ZBTB16: variants seen among roughly 807,000 people sequenced by gnomAD.
The protein encoded by ZBTB16 is zinc finger and BTB domain containing 16.
A neutral mutation model predicts 56.8 loss-of-function variants in ZBTB16; 8 were observed. That is an observed-to-expected ratio of 0.14 (90% confidence interval 0.08 to 0.25). The LOEUF (loss-of-function observed/expected upper bound fraction) is 0.25. Ranked by LOEUF, ZBTB16 falls within the 10% of genes least tolerant of loss-of-function variation. ZBTB16 has a pLI of 1.00. For synonymous variants in ZBTB16, 363 were observed against 368.5 expected (o/e 0.98, Z 0.17); for missense variants, 625 against 903.0 (o/e 0.69, Z 3.95).
chr11:114,150,443 C>T (rs1942253905), intron 2 of ZBTB16, among the ~76,000 whole-genome samples: 1 of 152,050 alleles, frequency 6.6e-6, no homozygotes, highest in Non-Finnish European at 1.5e-5. Context: ...AAGACCAGCC[C>T]AGACAACATA....
intron 2 of ZBTB16, among the ~76,000 whole-genome samples, chr11:114,079,330 G>T (rs1043274918): frequency 6.6e-6 from 1 of 152,198 alleles, no homozygotes; most frequent in Non-Finnish European, 1.5e-5. Context: ...CTGTAGCCCT[G>T]TTATGGCCCG....
chr11:114,241,872 G>A (rs368170855), intron 4 of ZBTB16, among the ~76,000 whole-genome samples: 14 of 152,208 alleles, frequency 9.2e-5, no homozygotes, highest in South Asian at 6.2e-4. Context: ...GTACCTTGCC[G>A]CCTTTTACAT....
chr11:114,223,325 T>C (rs534717135), intron 4 of ZBTB16, among the ~76,000 whole-genome samples: 2 of 152,172 alleles, frequency 1.3e-5, no homozygotes, highest in African/African-American at 4.8e-5. Context: ...CAATCGCACG[T>C]ATTAAAAGAT....
At position 114,072,177 on chromosome 11, in the gene ZBTB16, C is replaced by T. The variant is rs75047817; in HGVS notation, c.1268+7609C>T. ...TGCTTTCTCCCTGAGACCGTTCTTC[C>T]GCATAGGCGTCAATCCGTACAGTGC... On this transcript the variant is annotated intron_variant, in intron 2 of 6. Transcript: ENST00000335953. 4.9e-3 allele frequency among the ~76,000 whole-genome samples: 745 copies of T among 152,342 alleles called. 4 individuals carry two copies. The highest frequency in any genetic ancestry group is 0.017 in the African/African-American group (700 of 41,578).
At chr11:114,156,972 T>C (rs1461658830) in intron 3 of ZBTB16, among the ~76,000 whole-genome samples, 1 of 152,122 alleles carries the variant, frequency 6.6e-6, no homozygotes, top group East Asian at 1.9e-4. Context: ...CACCTGACAT[T>C]TGGCAGGCCC....
intron 2 of ZBTB16, among the ~76,000 whole-genome samples, chr11:114,151,976 T>C (rs1942288956): frequency 6.6e-6 from 1 of 152,220 alleles, no homozygotes; most frequent in Non-Finnish European, 1.5e-5. Flanking sequence ...GATAAAGGCT[T>C]ACCCTGAAGA....
chr11:114,083,091 G>A (rs1014200795), intron 2 of ZBTB16, among the ~76,000 whole-genome samples: 4 of 152,320 alleles, frequency 2.6e-5, no homozygotes, highest in East Asian at 1.9e-4. Flanking sequence ...TGGAAACGCC[G>A]TTCCAGGGCC....
intron 2 of ZBTB16, among the ~76,000 whole-genome samples, chr11:114,067,834 C>T (rs566127715): frequency 2.5e-4 from 38 of 152,194 alleles, no homozygotes; most frequent in African/African-American, 7.2e-4. Context: ...AATAATCCTG[C>T]GTGTGCTCAG....
At chr11:114,103,119 A>G (rs1191487018) in intron 2 of ZBTB16, among the ~76,000 whole-genome samples, 1 of 152,242 alleles carries the variant, frequency 6.6e-6, no homozygotes, top group Non-Finnish European at 1.5e-5. Flanking sequence ...TTTGAACCAC[A>G]ACACTGTGAT....
rs568512832 is a variant in ZBTB16, at chr11:114,062,345, C to T, written c.-90-866C>T. Among the ~76,000 whole-genome samples, 10 of 152,284 alleles carry T rather than the reference C, an allele frequency of 6.6e-5. No homozygotes were observed. The East Asian group carries it at 9.7e-4, about 15-fold the overall frequency. On this transcript the variant is annotated intron_variant, in intron 1 of 6. Coordinates refer to ENST00000335953, the MANE Select transcript of ZBTB16 (RefSeq NM_006006.6). ...CTCGAACTCCCGACCTCAGGTGATC[C>T]GCCTGCCTGGGCCTCCCAAAGTGCT... is the stretch of plus-strand genomic sequence containing the variant.
rs148562213 is a variant in ZBTB16, at chr11:114,156,209, C to T, written c.1269-128C>T. ...TGAGGATCCAGGGATGTGTTTCCAT[C>T]GGTGCCCTCCTGTTCCCTTCCGCCT... On this transcript the variant is annotated intron_variant, in intron 2 of 6. Coordinates refer to ENST00000335953, the MANE Select transcript of ZBTB16 (RefSeq NM_006006.6). 7.7e-4 allele frequency: 649 copies of T among 847,338 alleles called. 6 individuals are homozygous for T. In the African/African-American group the frequency reaches 8.5e-3, roughly 11 times the overall value. The allele number at this position is 847,338 out of a possible 1,614,324, so 52.5% of individuals were successfully genotyped here. A position where few individuals can be genotyped will look rare whatever the true frequency, so the allele number is the denominator to read the frequency against.
chr11:114,117,412 G>A (rs1432651921), intron 2 of ZBTB16, among the ~76,000 whole-genome samples: 3 of 151,960 alleles, frequency 2.0e-5, no homozygotes, highest in African/African-American at 7.3e-5. Flanking sequence ...GGGAGTCAGA[G>A]GAACCACCTA....
At position 114,250,592 on chromosome 11, in the gene ZBTB16, A is replaced by G. The variant is rs550619809; in HGVS notation, c.*37A>G. 1.2e-6 allele frequency: 2 copies of G among 1,603,030 alleles called. No individual in the cohort carries two copies. Among genetic ancestry groups the G allele is most frequent in the South Asian group, 2.2e-5 (2 of 90,804 alleles). On this transcript the variant is annotated 3_prime_UTR_variant, in exon 7 of 7. Coordinates refer to ENST00000335953, the MANE Select transcript of ZBTB16 (RefSeq NM_006006.6). This position sits in a 1 kb window ranked among gnomAD's most constrained non-coding sequence, Gnocchi z 6.0. ...CGGCGGTGGAGCCGAGCGGGGAGCC[A>G]GGAAAGAAGAGTTGGAGTGAGATGA... is the stretch of plus-strand genomic sequence containing the variant.
chr11:114,250,981 A>G lies in ZBTB16; in HGVS notation c.*426A>G, dbSNP rs1217344937. 2.6e-5 allele frequency among the ~76,000 whole-genome samples: 4 copies of G among 151,216 alleles called. No individual in the cohort carries two copies. Among genetic ancestry groups the G allele is most frequent in the African/African-American group, 9.8e-5 (4 of 41,008 alleles). Reference sequence around the variant, plus strand: ...CCCCCAGGAGATGAAGGGAGGGAGGAGGTGAGCCAGAAGGGCGCTCCCCTG... The same window carrying G: ...CCCCCAGGAGATGAAGGGAGGGAGGGGGTGAGCCAGAAGGGCGCTCCCCTG... On this transcript the variant is annotated 3_prime_UTR_variant, in exon 7 of 7. Coordinates refer to ENST00000335953, the MANE Select transcript of ZBTB16 (RefSeq NM_006006.6). This position sits in a 1 kb window ranked among gnomAD's most constrained non-coding sequence, Gnocchi z 6.0.
At chr11:114,186,836 T>C in intron 3 of ZBTB16, 116 bp from the exon 4 acceptor site, 1 of 947,650 alleles carries the variant, frequency 1.1e-6, no homozygotes, top group Non-Finnish European at 1.7e-6. Context: ...TCACTCAGGA[T>C]TTTTGCGGGT....
chr11:114,230,776 T>A (rs1944429098), intron 4 of ZBTB16, among the ~76,000 whole-genome samples: 1 of 152,154 alleles, frequency 6.6e-6, no homozygotes, highest in African/African-American at 2.4e-5. Flanking sequence ...TAAATGGCGC[T>A]GAAACAATCA....
At chr11:114,066,768 ATT>A (rs11371325) in intron 2 of ZBTB16, among the ~76,000 whole-genome samples, 35,848 of 110,812 alleles carry the variant, frequency 0.32, 4,605 homozygotes, top group Middle Eastern at 0.4. Context: ...CACTCACTAC[ATT>A]TTTTTTTTTT....
At chr11:114,235,633 T>C (rs78395988) in intron 4 of ZBTB16, among the ~76,000 whole-genome samples, 11,951 of 36,226 alleles carry the variant, frequency 0.33, 594 homozygotes, top group Admixed American at 0.44. Context: ...TCCCTTCCTT[T>C]CTTTCTTTCT....
intron 2 of ZBTB16, among the ~76,000 whole-genome samples, chr11:114,119,351 CGT>C (rs368627274): frequency 5.4e-4 from 77 of 141,778 alleles, no homozygotes; most frequent in South Asian, 9.5e-4. Flanking sequence ...TGTGTGCGCG[CGT>C]GTGTGTGTGT....
Sources: gnomAD v4.1 joint callset for allele counts (sites outside exome capture counted in the v4.1 genomes callset) on GRCh38, gnomAD v4.1.1 for gene constraint, Gnocchi (gnomAD v3.1) non-coding constraint, MANE v1.5 for transcripts, NCBI Gene and HGNC (gene_info 2026-07-23, HGNC 2026-07-21) for gene names.